The following MICAL3 variants were observed in gnomAD, a reference collection of about 807,000 sequenced individuals.
The protein encoded by MICAL3 is microtubule associated monooxygenase, calponin and LIM domain containing 3.
MICAL3 carries 62 observed loss-of-function variants against 207.4 expected under a neutral mutation model. The observed-to-expected ratio is 0.30, with a 90% confidence interval of 0.24 to 0.37. The LOEUF is 0.37. Ranked by LOEUF, MICAL3 falls within the 10% of genes least tolerant of loss-of-function variation. The pLI, the probability that MICAL3 is intolerant of heterozygous loss-of-function variation, is 1.00. For synonymous variants in MICAL3, 1,077 were observed against 1,069.3 expected (o/e 1.01, Z -0.14); for missense variants, 2,368 against 2,635.6 (o/e 0.90, Z 2.22).
intron 16 of MICAL3, among the ~76,000 whole-genome samples, chr22:17,881,052 A>C (rs1422741929): frequency 1.3e-5 from 2 of 152,176 alleles, no homozygotes; most frequent in Admixed American, 1.3e-4. Context: ...GGGCCATAAA[A>C]GTTGCTTCCA....
At position 17,896,903 on chromosome 22, in the gene MICAL3, C is replaced by T; in HGVS notation, c.1027G>A (p.Ala343Thr). ...AGCTGCTGCTGGGTAGAGAAGTCTG[C>T]CGCCTCCCTGGCATAGCTGAGCAGA... Reference protein sequence around the residue: ...EALLSYAREAADFSTQQQLPS... With the variant: ...EALLSYAREATDFSTQQQLPS... The change falls in exon 8 of 32, where the codon GCA (alanine) becomes ACA (threonine). Residue 343 changes from alanine to threonine, a missense_variant. Around this residue, in one of 4 missense-constraint regions of MICAL3, gnomAD observed 400 missense variants for 547.0 expected, o/e 0.73. Transcript: ENST00000441493. 1 of 1,613,966 alleles carries T rather than the reference C, an allele frequency of 6.2e-7. No individual in the cohort carries two copies. The highest frequency in any genetic ancestry group is 8.5e-7 in the Non-Finnish European group (1 of 1,179,902).
Position 17,889,195 on chromosome 22 carries a change from T to C in MICAL3, c.1730A>G (p.Lys577Arg), listed in dbSNP as rs138405731. The change falls in exon 13 of 32, where the codon AAG becomes AGG. Residue 577 changes from lysine (K) to arginine (R), a missense_variant. Lys to Arg is a conservative substitution (Grantham distance 26). This residue lies in a region of MICAL3 where 51 missense variants were observed against 87.8 expected (regional missense o/e 0.58). Coordinates refer to ENST00000441493, the MANE Select transcript of MICAL3 (RefSeq NM_015241.3). ...AATGTCAAAGGCCAGTTGGTTATTC[T>C]TCTCCACATTTTGCTCATCCAAAGA... ...FDSLDEQNVE[K>R]NNQLAFDIAE... 1.1e-4 allele frequency: 185 copies of C among 1,612,944 alleles called. 1 individual carries two copies. In the East Asian group the frequency reaches 3.5e-3, roughly 31 times the overall value.
At chr22:17,990,927 T>C (rs746587133) in intron 1 of MICAL3, among the ~76,000 whole-genome samples, 4 of 152,250 alleles carry the variant, frequency 2.6e-5, no homozygotes, top group Non-Finnish European at 4.4e-5. Flanking sequence ...CTATATGCCC[T>C]GCTGGATTTT....
intron 1 of MICAL3, among the ~76,000 whole-genome samples, chr22:17,952,554 A>G (rs1302258924): frequency 6.6e-6 from 1 of 152,216 alleles, no homozygotes; most frequent in African/African-American, 2.4e-5. Context: ...ACACACTATA[A>G]AACACAAAGC....
intron 15 of MICAL3, among the ~76,000 whole-genome samples, 173 bp from the exon 16 acceptor site, chr22:17,886,224 A>G (rs1929858449): frequency 1.3e-5 from 2 of 152,332 alleles, no homozygotes; most frequent in East Asian, 3.9e-4. Flanking sequence ...CCGTATAAAG[A>G]GTACTGGGAC....
At chr22:17,859,417 C>T (rs958718217) in intron 19 of MICAL3, among the ~76,000 whole-genome samples, 2 of 152,218 alleles carry the variant, frequency 1.3e-5, no homozygotes, top group Admixed American at 6.5e-5. Context: ...TGGGCCAATT[C>T]AGCATGAGGC....
chr22:17,860,473 A>T (rs1355711167), intron 19 of MICAL3: 1 of 985,412 alleles, frequency 1.0e-6, no homozygotes, highest in African/African-American at 1.7e-5. Context: ...AGGCACCCCA[A>T]GCTGAATGGC....
chr22:17,985,668 A>T (rs1602351328), intron 1 of MICAL3, among the ~76,000 whole-genome samples: 1 of 152,118 alleles, frequency 6.6e-6, no homozygotes, highest in South Asian at 2.1e-4. Context: ...TAGGCAGCCA[A>T]TTCCACCCTA....
Position 17,896,802 on chromosome 22 carries a change from G to A in MICAL3, c.1128C>T (p.Ala376=), listed in dbSNP as rs373544612. The stretch of plus-strand genomic sequence containing the variant: ...CCCGCACCAAGGCGGCGTTCTCGGA[G>A]GCATACATACAAGTGAAGTCAAACA... ...VAMFDFTCMY[A]SENAALVREQ... The change falls in exon 8 of 32, where the codon GCC becomes GCT. Residue 376 remains alanine (A), a synonymous_variant. Coordinates refer to ENST00000441493, the MANE Select transcript of MICAL3 (RefSeq NM_015241.3). The A allele has an allele frequency of 6.2e-7, 1 of 1,614,060 alleles. No individual in the cohort carries two copies. The highest frequency in any genetic ancestry group is 8.5e-7 in the Non-Finnish European group (1 of 1,180,032).
At chr22:18,000,424 T>C (rs1485540404) in intron 1 of MICAL3, among the ~76,000 whole-genome samples, 1 of 152,204 alleles carries the variant, frequency 6.6e-6, no homozygotes, top group Admixed American at 6.5e-5. Context: ...CCAGCCAAGA[T>C]ACGGGGCTGG....
At chr22:17,893,210 C>T (rs992203496) in intron 11 of MICAL3, among the ~76,000 whole-genome samples, 5 of 152,122 alleles carry the variant, frequency 3.3e-5, no homozygotes, top group African/African-American at 1.2e-4. Context: ...ATCTGGGCCT[C>T]CACCACCTTC....
rs147314152 is a variant in MICAL3, at chr22:17,993,117, T to C, written c.-75+31164A>G. On this transcript the variant is annotated intron_variant, in intron 1 of 31. Coordinates refer to ENST00000441493, the MANE Select transcript of MICAL3 (RefSeq NM_015241.3). ...AGAAACTGACCCAAGCCCATGTCACTAGTTAAAATATTTCCTTTTTCCTTT... is the reference window on the plus strand; with the variant it reads ...AGAAACTGACCCAAGCCCATGTCACCAGTTAAAATATTTCCTTTTTCCTTT... Among the ~76,000 whole-genome samples the C allele has an allele frequency of 3.3e-5, 5 of 152,314 alleles. No individual in the cohort carries two copies. In the East Asian group the frequency reaches 7.7e-4, roughly 24 times the overall value.
chr22:17,829,680 A>G (rs1922584140), intron 21 of MICAL3, among the ~76,000 whole-genome samples: 1 of 152,244 alleles, frequency 6.6e-6, no homozygotes, highest in Non-Finnish European at 1.5e-5. Context: ...TCGACAGCAC[A>G]AGCCAGCATT....
chr22:17,842,091 A>G, intron 19 of MICAL3, 74 bp from the exon 20 acceptor site: 1 of 1,387,768 alleles, frequency 7.2e-7, no homozygotes, highest in Admixed American at 1.9e-5. Flanking sequence ...GCTGACACCC[A>G]GGCTGCAGGC....
At chr22:17,943,168 C>CT (rs1245067691) in intron 1 of MICAL3, among the ~76,000 whole-genome samples, 2 of 152,076 alleles carry the variant, frequency 1.3e-5, no homozygotes, top group African/African-American at 2.4e-5. Flanking sequence ...ATCTATCCTT[C>CT]TTTTTTTTCT....
rs913940899 is a variant in MICAL3, at chr22:17,920,481, G to A, written c.-74-13595C>T. ...AGTGAGACAGGCTCAGACGCGTTCCGGTCTTATCTGGCTAGCTCCCTGGCT... is the reference window on the plus strand; with the variant it reads ...AGTGAGACAGGCTCAGACGCGTTCCAGTCTTATCTGGCTAGCTCCCTGGCT... On this transcript the variant is annotated intron_variant, in intron 1 of 31. Coordinates refer to ENST00000441493, the MANE Select transcript of MICAL3 (RefSeq NM_015241.3). Among the ~76,000 whole-genome samples the A allele has an allele frequency of 3.9e-5, 6 of 152,262 alleles. No homozygotes were observed. The East Asian group carries it at 5.8e-4, about 15-fold the overall frequency.
chr22:17,838,928 A>G (rs1923689599), intron 20 of MICAL3, among the ~76,000 whole-genome samples: 1 of 150,842 alleles, frequency 6.6e-6, no homozygotes, highest in African/African-American at 2.4e-5. Flanking sequence ...GAAGTAAGAC[A>G]ACATTTATAG....
chr22:17,830,012 T>G (rs191890806), intron 21 of MICAL3, among the ~76,000 whole-genome samples: 5 of 152,088 alleles, frequency 3.3e-5, no homozygotes, highest in African/African-American at 4.8e-5. Context: ...GAGGCAAATT[T>G]TGGATGGCTG....
intron 19 of MICAL3, among the ~76,000 whole-genome samples, chr22:17,857,024 A>C (rs113741183): frequency 8.3e-4 from 126 of 152,296 alleles, no homozygotes; most frequent in African/African-American, 2.9e-3. Flanking sequence ...GTCTTTTTAG[A>C]GTCTTAGTTC....
Sources: gnomAD v4.1 joint callset for allele counts (sites outside exome capture counted in the v4.1 genomes callset) on GRCh38, gnomAD v4.1.1 for gene constraint, gnomAD v4.1.1 regional missense constraint, MANE v1.5 for transcripts, NCBI Gene and HGNC (gene_info 2026-07-23, HGNC 2026-07-21) for gene names.